Variants in EFCAB14 observed in about 807,000 individuals in gnomAD.
The protein encoded by EFCAB14 is EF-hand calcium-binding domain-containing protein 14.
In EFCAB14, 43 loss-of-function variants were observed where a neutral mutation model predicts 56.5. The observed-to-expected ratio is 0.76, with a 90% CI of 0.60 to 0.98. EFCAB14 has a LOEUF of 0.98. Ranked by LOEUF, EFCAB14 falls within the 50% of genes least tolerant of loss-of-function variation. EFCAB14 has a pLI of 0.00. For missense variants in EFCAB14, 538 were observed against 580.3 expected, an observed-to-expected ratio of 0.93 and a Z score of 0.75; for synonymous variants, 235 against 212.9, an observed-to-expected ratio of 1.10 and a Z score of -0.90.
At chr1:46,701,955 T>A (rs1677165084) in intron 3 of EFCAB14, among the ~76,000 whole-genome samples, 1 of 152,216 alleles carries the variant, frequency 6.6e-6, no homozygotes, top group Non-Finnish European at 1.5e-5. Flanking sequence ...TATATGTAAC[T>A]AAAATGGAGA....
At position 46,691,949 on chromosome 1, in the gene EFCAB14, CATAT is replaced by C. The variant is rs747083405; in HGVS notation, c.580-16_580-13del. ...ATGGAAGCTACACTCTGAATGGAAA[CATAT>C]AGGAAGGTGTAAAAAAGCTTTAAGA... On this transcript the variant is annotated splice_polypyrimidine_tract_variant and intron_variant, in intron 4 of 10. Coordinates refer to ENST00000371933, the MANE Select transcript of EFCAB14 (RefSeq NM_014774.3). The C allele has an allele frequency of 1.4e-5, 22 of 1,602,494 alleles. No homozygotes were observed. In the South Asian group the frequency reaches 2.5e-4, roughly 18 times the overall value.
At chr1:46,685,268 T>C (rs1056062069) in intron 8 of EFCAB14, 3 of 152,274 alleles carry the variant, frequency 2.0e-5, no homozygotes, top group East Asian at 1.9e-4. Context: ...GAGTGGCATA[T>C]ACAAATACAT....
At position 46,680,386 on chromosome 1, in the gene EFCAB14, A is replaced by G. The variant is rs142259141; in HGVS notation, c.1313-1750T>C. On this transcript the variant is annotated intron_variant, in intron 10 of 10. Transcript: ENST00000371933. ...GAATATTATTCAGCCATAAAAAGGA[A>G]CGAAGTACTGATACATGCTCCAACA... Among the ~76,000 whole-genome samples the G allele has an allele frequency of 2.5e-3, 386 of 152,356 alleles. 4 individuals are homozygous for G. The highest frequency in any genetic ancestry group is 8.8e-3 in the African/African-American group (366 of 41,582).
intron 3 of EFCAB14, among the ~76,000 whole-genome samples, chr1:46,697,217 A>G (rs1557445647): frequency 6.6e-6 from 1 of 152,234 alleles, no homozygotes; most frequent in Non-Finnish European, 1.5e-5. Flanking sequence ...TTCAAACTCA[A>G]TAGCTCTACC....
chr1:46,692,430 G>A (rs1283438455), intron 4 of EFCAB14, among the ~76,000 whole-genome samples: 1 of 152,224 alleles, frequency 6.6e-6, no homozygotes, highest in Non-Finnish European at 1.5e-5. Context: ...AGGTCTTCAT[G>A]TGGACTTATA....
At chr1:46,690,294 T>C (rs1322287912) in intron 5 of EFCAB14, among the ~76,000 whole-genome samples, 2 of 152,238 alleles carry the variant, frequency 1.3e-5, no homozygotes, top group Non-Finnish European at 2.9e-5. Context: ...ATATACACTT[T>C]TCCTTTAGTG....
intron 4 of EFCAB14, among the ~76,000 whole-genome samples, chr1:46,693,135 T>G (rs1677025525): frequency 6.6e-6 from 1 of 152,182 alleles, no homozygotes; most frequent in Non-Finnish European, 1.5e-5. Context: ...AGTAGTGGCT[T>G]ACTTTGCTTT....
Position 46,688,500 on chromosome 1 carries a change from G to A in EFCAB14, c.840C>T (p.Ala280=), listed in dbSNP as rs369531204. The change falls in exon 7 of 11, where the codon GCC becomes GCT. Residue 280 remains alanine, a synonymous_variant. Transcript: ENST00000371933. ...LHNSLEEVNS[A]LVGYQRQNDL... is the part of the protein sequence containing the mutation. ...CATTCTGTCTCTGGTACCCCACTAG[G>A]GCACTGTTTACCTCCTCTAAAGAGT... 14 of 1,613,684 alleles carry A rather than the reference G, an allele frequency of 8.7e-6. No individual in the cohort carries two copies. The highest frequency in any genetic ancestry group is 1.2e-5 in the Non-Finnish European group (14 of 1,179,848).
intron 7 of EFCAB14, among the ~76,000 whole-genome samples, chr1:46,688,085 C>T (rs1319679264): frequency 6.6e-6 from 1 of 152,182 alleles, no homozygotes; most frequent in Non-Finnish European, 1.5e-5. Context: ...GTAGCCTTGT[C>T]ATCTCTGCCA....
Position 46,688,404 on chromosome 1 carries a change from A to T in EFCAB14, c.936T>A (p.Asp312Glu). ...TTTCTACCTTGCTCATAGCAACCAC[A>T]TCGCTTTCTATCAGGTTGACTCTCT... Reference protein sequence around the residue: ...LTQRVNLIESDVVAMSKVEKK... With the variant: ...LTQRVNLIESEVVAMSKVEKK... The change falls in exon 7 of 11, where the codon GAT (aspartate) becomes GAA (glutamate). Residue 312 changes from aspartate to glutamate, a missense_variant. By Grantham distance (45) the Asp-to-Glu change is conservative. Transcript: ENST00000371933. The T allele has an allele frequency of 6.2e-7, 1 of 1,613,978 alleles. No homozygotes were observed. Among genetic ancestry groups the T allele is most frequent in the Non-Finnish European group, 8.5e-7 (1 of 1,179,912 alleles).
intron 3 of EFCAB14, among the ~76,000 whole-genome samples, chr1:46,697,825 G>C (rs1677097700): frequency 1.3e-5 from 2 of 150,688 alleles, no homozygotes; most frequent in Admixed American, 6.6e-5. Flanking sequence ...TAAGTACTGT[G>C]CTAAGAATTT....
intron 3 of EFCAB14, 84 bp downstream of exon 3, chr1:46,707,822 A>G (rs1466501465): frequency 2.2e-6 from 3 of 1,361,068 alleles, no homozygotes; most frequent in East Asian, 4.8e-5. Context: ...AATTCCCTAT[A>G]CCTACAATTC....
In EFCAB14 at chr1:46,676,854, G is replaced by C. The variant is rs1474906601; in HGVS notation, c.*1607C>G. On this transcript the variant is annotated 3_prime_UTR_variant, in exon 11 of 11. Coordinates refer to ENST00000371933, the MANE Select transcript of EFCAB14 (RefSeq NM_014774.3). ...AAAATTTAAGTTTGGTTAATACCAA[G>C]CTGAACATCATGTAAAGAAAAAAAA... 1.3e-5 allele frequency: 2 copies of C among 150,814 alleles called. No individual in the cohort carries two copies. Among genetic ancestry groups the C allele is most frequent in the African/African-American group, 2.4e-5 (1 of 41,108 alleles). 9.3% of individuals were successfully genotyped at this position (150,814 alleles called of 1,614,324 possible). A position where few individuals can be genotyped will look rare whatever the true frequency, so the allele number is the denominator to read the frequency against.
chr1:46,693,928 A>C (rs936704525), intron 4 of EFCAB14, among the ~76,000 whole-genome samples: 11 of 152,222 alleles, frequency 7.2e-5, no homozygotes, highest in African/African-American at 2.7e-4. Context: ...AATACCACAC[A>C]TCTACAACCA....
rs186739540 is a variant in EFCAB14, at chr1:46,718,647, C to G, written c.-560G>C. On this transcript the variant is annotated 5_prime_UTR_variant, in exon 1 of 11. Transcript: ENST00000371933. ...CAGGAGAGGTGGCGGCAGGAGGGGG[C>G]TCCCAGCAGCTACAATCCCAACACT... 7.1e-4 allele frequency: 108 copies of G among 152,864 alleles called. 1 individual carries two copies. The South Asian group carries it at 0.021, about 30-fold the overall frequency. 9.5% of individuals were successfully genotyped at this position (152,864 alleles called of 1,614,324 possible). A position where few individuals can be genotyped will look rare whatever the true frequency, so the allele number is the denominator to read the frequency against.
chr1:46,695,694 C>T (rs796509462), intron 4 of EFCAB14, among the ~76,000 whole-genome samples: 2 of 152,254 alleles, frequency 1.3e-5, no homozygotes, highest in African/African-American at 4.8e-5. Flanking sequence ...TACCCCTATC[C>T]ACTCTTCCCG....
At chr1:46,694,235 A>T (rs1404069346) in intron 4 of EFCAB14, among the ~76,000 whole-genome samples, 1 of 152,230 alleles carries the variant, frequency 6.6e-6, no homozygotes, top group Non-Finnish European at 1.5e-5. Flanking sequence ...AATGGGATCT[A>T]ACTAAACTAA....
At chr1:46,717,620 C>T (rs1453349807) in intron 1 of EFCAB14, among the ~76,000 whole-genome samples, 2 of 152,208 alleles carry the variant, frequency 1.3e-5, no homozygotes, top group African/African-American at 4.8e-5. Flanking sequence ...TGTCTCCATT[C>T]TTTGCTTCTT....
intron 10 of EFCAB14, among the ~76,000 whole-genome samples, chr1:46,682,664 G>A (rs1467556653): frequency 2.6e-5 from 4 of 152,194 alleles, no homozygotes; most frequent in Non-Finnish European, 5.9e-5. Context: ...TAGGTTTAAT[G>A]AGGCACTCAG....
Sources: allele counts gnomAD v4.1 joint callset (sites outside exome capture counted in the v4.1 genomes callset), GRCh38; gene constraint gnomAD v4.1.1; transcripts MANE v1.5; gene names NCBI Gene and HGNC (gene_info 2026-07-23, HGNC 2026-07-21).